The following DIS3L2 variants were observed in gnomAD, a reference collection of about 807,000 sequenced individuals.
The protein encoded by DIS3L2 is DIS3-like exonuclease 2.
In DIS3L2, 34 loss-of-function variants were observed where a neutral mutation model predicts 97.5. That is an observed-to-expected ratio of 0.35 (90% CI 0.27 to 0.46). DIS3L2 has a LOEUF of 0.46. Ranked by LOEUF, DIS3L2 falls within the 20% of genes least tolerant of loss-of-function variation. The pLI, the probability that DIS3L2 is intolerant of heterozygous loss-of-function variation, is 1.00. For missense variants in DIS3L2, 1,038 were observed against 1,146.0 expected (o/e 0.91, Z 1.36); for synonymous variants, 435 against 445.2 (o/e 0.98, Z 0.29).
intron 8 of DIS3L2, among the ~76,000 whole-genome samples, chr2:232,163,067 C>T (rs964404790): frequency 1.3e-5 from 2 of 151,956 alleles, no homozygotes; most frequent in Admixed American, 6.6e-5. Context: ...GAAATAGGAA[C>T]ATCAGAATTA....
intron 13 of DIS3L2, among the ~76,000 whole-genome samples, chr2:232,290,604 C>T (rs1038908398): frequency 2.0e-5 from 3 of 152,178 alleles, no homozygotes; most frequent in Admixed American, 1.3e-4. Flanking sequence ...ACCATAGCTC[C>T]AAAGACAGAC....
chr2:232,029,204 A>G (rs1438617823), intron 4 of DIS3L2, among the ~76,000 whole-genome samples: 2 of 152,212 alleles, frequency 1.3e-5, no homozygotes, highest in African/African-American at 4.8e-5. Flanking sequence ...TTCTCTGAAA[A>G]AGAGCACATC....
chr2:232,255,425 C>G (rs1227597023), intron 12 of DIS3L2, among the ~76,000 whole-genome samples: 6 of 152,212 alleles, frequency 3.9e-5, no homozygotes, highest in Non-Finnish European at 7.3e-5. Context: ...GAATGGCTTA[C>G]TTTCTGGAGC....
intron 9 of DIS3L2, 116 bp from the exon 10 acceptor site, chr2:232,210,210 T>G: frequency 6.7e-6 from 5 of 749,452 alleles, no homozygotes; most frequent in South Asian, 6.1e-5. Flanking sequence ...AAGTTATTTT[T>G]CACTTTCCCT....
At chr2:232,324,298 C>A (rs890307936) in intron 14 of DIS3L2, among the ~76,000 whole-genome samples, 2 of 152,148 alleles carry the variant, frequency 1.3e-5, no homozygotes, top group African/African-American at 4.8e-5. Flanking sequence ...TGGCTGGGAG[C>A]AATTCTTATC....
chr2:232,110,195 G>A (rs971030736), intron 6 of DIS3L2, among the ~76,000 whole-genome samples: 1 of 152,120 alleles, frequency 6.6e-6, no homozygotes, highest in African/African-American at 2.4e-5. Context: ...AAAAACAACA[G>A]ATGCTGGCAA....
intron 10 of DIS3L2, among the ~76,000 whole-genome samples, chr2:232,225,967 G>T (rs1218045065): frequency 6.6e-6 from 1 of 152,216 alleles, no homozygotes; most frequent in Non-Finnish European, 1.5e-5. Flanking sequence ...TGTCAGAACA[G>T]GTACATCTAT....
At chr2:232,015,075 C>T in intron 2 of DIS3L2, 96 bp downstream of exon 2, 1 of 1,218,338 alleles carries the variant, frequency 8.2e-7, no homozygotes, top group Non-Finnish European at 1.2e-6. Flanking sequence ...GGACTGAGGG[C>T]TACTATAATT....
At chr2:232,189,479 A>G (rs1691551002) in intron 9 of DIS3L2, among the ~76,000 whole-genome samples, 1 of 152,218 alleles carries the variant, frequency 6.6e-6, no homozygotes, top group Non-Finnish European at 1.5e-5. Context: ...ATTCTATTTA[A>G]TCTTTTTGAA....
intron 14 of DIS3L2, among the ~76,000 whole-genome samples, chr2:232,315,301 C>T (rs921325514): frequency 6.6e-5 from 10 of 152,188 alleles, no homozygotes; most frequent in African/African-American, 2.2e-4. Flanking sequence ...ACCCTCACTC[C>T]GGTACTGAAA....
intron 9 of DIS3L2, among the ~76,000 whole-genome samples, chr2:232,170,372 T>C (rs1460239801): frequency 6.6e-6 from 1 of 152,234 alleles, no homozygotes; most frequent in Admixed American, 6.5e-5. Flanking sequence ...CCGATCTTTA[T>C]GTTTCTCCTA....
At chr2:232,331,058 C>G (rs1295248659) in intron 16 of DIS3L2, among the ~76,000 whole-genome samples, 1 of 152,214 alleles carries the variant, frequency 6.6e-6, no homozygotes, top group Non-Finnish European at 1.5e-5. Context: ...CTGAGACCTC[C>G]TGTCAGGCTG....
rs1694133156 is a variant in DIS3L2, at chr2:232,276,124, TTTC to T, written c.1659+12687_1659+12689del. 1.3e-5 allele frequency among the ~76,000 whole-genome samples: 2 copies of T among 152,228 alleles called. No individual in the cohort carries two copies. The highest frequency in any genetic ancestry group is 4.8e-5 in the African/African-American group (2 of 41,460). ...CACCCAGGGAGGGAATCCCAACAGGTTTCTTATCTGCTTGTCAGCATGAGGCTG... is the reference window on the plus strand; with the variant it reads ...CACCCAGGGAGGGAATCCCAACAGGTTTATCTGCTTGTCAGCATGAGGCTG... On this transcript the variant is annotated intron_variant, in intron 13 of 20. Coordinates refer to ENST00000325385, the MANE Select transcript of DIS3L2 (RefSeq NM_152383.5). This position sits in a 1 kb window ranked among gnomAD's most constrained non-coding sequence, Gnocchi z 4.4.
intron 9 of DIS3L2, among the ~76,000 whole-genome samples, chr2:232,189,048 A>G (rs1282069144): frequency 6.6e-6 from 1 of 152,220 alleles, no homozygotes; most frequent in Non-Finnish European, 1.5e-5. Context: ...AAAGTAAAAT[A>G]ATGAAAAGGC....
At chr2:232,171,231 AG>A (rs1183781235) in intron 9 of DIS3L2, among the ~76,000 whole-genome samples, 6 of 152,234 alleles carry the variant, frequency 3.9e-5, no homozygotes, top group African/African-American at 1.4e-4. Flanking sequence ...GGTGTCATGC[AG>A]AAAAAGGATC....
chr2:232,071,351 C>G (rs1387666714), intron 5 of DIS3L2, among the ~76,000 whole-genome samples: 1 of 151,802 alleles, frequency 6.6e-6, no homozygotes, highest in African/African-American at 2.4e-5. Context: ...GTGACCCTGT[C>G]TCTACAAAAA....
intron 10 of DIS3L2, among the ~76,000 whole-genome samples, chr2:232,235,049 A>T (rs560983398): frequency 6.6e-6 from 1 of 152,332 alleles, no homozygotes; most frequent in East Asian, 1.9e-4. Context: ...TTTTAATTGG[A>T]TGAAGCAGTT....
chr2:231,972,365 A>G (rs962127346), intron 1 of DIS3L2, among the ~76,000 whole-genome samples: 1 of 152,134 alleles, frequency 6.6e-6, no homozygotes, highest in Non-Finnish European at 1.5e-5. Context: ...AGACTCGTTT[A>G]CACCAGCATC....
intron 10 of DIS3L2, among the ~76,000 whole-genome samples, chr2:232,219,821 A>G (rs1003741767): frequency 4.5e-4 from 68 of 152,052 alleles, no homozygotes; most frequent in African/African-American, 1.5e-3. Flanking sequence ...TATCCTTGCT[A>G]TTTTCAAATT....
Sources: gnomAD v4.1 joint callset for allele counts (sites outside exome capture counted in the v4.1 genomes callset) on GRCh38, gnomAD v4.1.1 for gene constraint, Gnocchi (gnomAD v3.1) non-coding constraint, MANE v1.5 for transcripts, NCBI Gene and HGNC (gene_info 2026-07-23, HGNC 2026-07-21) for gene names.